MEMO1: variants seen among roughly 807,000 people sequenced by gnomAD.
The protein encoded by MEMO1 is mediator of cell motility 1.
MEMO1 carries 6 observed loss-of-function variants against 45.2 expected under a neutral mutation model. The ratio of observed to expected loss-of-function variants is 0.13; its 90% CI spans 0.07 to 0.26. The LOEUF (loss-of-function observed/expected upper bound fraction) is 0.26, where lower values mean the gene tolerates loss of function less well. Among genes scored for constraint, MEMO1 ranks in the 10% least tolerant of loss-of-function variants. MEMO1 has a pLI of 1.00. For synonymous variants in MEMO1, 78 were observed against 124.3 expected, an observed-to-expected ratio of 0.63 and a Z score of 2.48; for missense variants, 184 against 370.5, an observed-to-expected ratio of 0.50 and a Z score of 4.13.
At chr2:32,001,990 C>T (rs1225856784) in intron 2 of MEMO1, among the ~76,000 whole-genome samples, 1 of 150,978 alleles carries the variant, frequency 6.6e-6, no homozygotes, top group Non-Finnish European at 1.5e-5. Flanking sequence ...TACTAAAATA[C>T]AAAAAATTAG....
Position 32,009,716 on chromosome 2 carries a change from G to T in MEMO1, c.61+471C>A, listed in dbSNP as rs1015755411. 3.7e-4 allele frequency among the ~76,000 whole-genome samples: 57 copies of T among 152,158 alleles called. 1 individual carries two copies. The highest frequency in any genetic ancestry group is 1.3e-3 in the African/African-American group (55 of 41,448). On this transcript the variant is annotated intron_variant, in intron 2 of 9. Transcript: ENST00000404530. Reference sequence around the variant, plus strand: ...AGGGAAGACGGGAGAGGAAAGGAAAGGGTCCCTGGCTCGGCAAGAGGGCGG... The same window carrying T: ...AGGGAAGACGGGAGAGGAAAGGAAATGGTCCCTGGCTCGGCAAGAGGGCGG...
chr2:31,998,845 CT>C (rs972667557), intron 2 of MEMO1, among the ~76,000 whole-genome samples: 3 of 152,006 alleles, frequency 2.0e-5, no homozygotes, highest in Non-Finnish European at 4.4e-5. Context: ...CTAATCTCCA[CT>C]TTTAAATCTC....
At chr2:31,912,194 G>A (rs1357908467) in intron 6 of MEMO1, among the ~76,000 whole-genome samples, 1 of 152,048 alleles carries the variant, frequency 6.6e-6, no homozygotes, top group Non-Finnish European at 1.5e-5. Context: ...AAAATTAGCT[G>A]GCGTGGTGGT....
intron 6 of MEMO1, among the ~76,000 whole-genome samples, chr2:31,914,932 G>A (rs1368205642): frequency 2.1e-4 from 31 of 150,152 alleles, no homozygotes; most frequent in Admixed American, 1.9e-3. Flanking sequence ...ACTCAAGCCT[G>A]GGTGACAGAA....
intron 7 of MEMO1, among the ~76,000 whole-genome samples, chr2:31,883,694 G>C (rs983802434): frequency 6.6e-6 from 1 of 151,968 alleles, no homozygotes; most frequent in Non-Finnish European, 1.5e-5. Context: ...TCAAATTGTA[G>C]AAACCTTAAA....
chr2:31,949,290 A>G (rs1666547350), intron 2 of MEMO1, among the ~76,000 whole-genome samples: 1 of 152,208 alleles, frequency 6.6e-6, no homozygotes, highest in African/African-American at 2.4e-5. Context: ...AAATCACTAT[A>G]TTGAAGGGAT....
chr2:31,963,115 A>T, intron 2 of MEMO1: 3 of 1,474,364 alleles, frequency 2.0e-6, no homozygotes, highest in Middle Eastern at 1.8e-4. Context: ...CTCAGTCTCT[A>T]ACTACACCAT....
chr2:31,944,159 G>A (rs1261249878), intron 2 of MEMO1, among the ~76,000 whole-genome samples: 2 of 152,122 alleles, frequency 1.3e-5, no homozygotes, highest in African/African-American at 2.4e-5. Flanking sequence ...ATAGCTGAAT[G>A]AGACTAAAGA....
chr2:31,901,831 C>G (rs1298430940), intron 6 of MEMO1, among the ~76,000 whole-genome samples: 1 of 151,738 alleles, frequency 6.6e-6, no homozygotes, highest in African/African-American at 2.4e-5. Context: ...ATTGCTTGAA[C>G]CAGGAAGGTA....
chr2:31,946,964 G>T (rs937368027), intron 2 of MEMO1, among the ~76,000 whole-genome samples: 1 of 152,100 alleles, frequency 6.6e-6, no homozygotes, highest in Non-Finnish European at 1.5e-5. Context: ...TGCTGTATAG[G>T]TCTGTAGCCT....
At chr2:31,906,308 T>C (rs942707773) in intron 6 of MEMO1, among the ~76,000 whole-genome samples, 22 of 150,408 alleles carry the variant, frequency 1.5e-4, no homozygotes, top group African/African-American at 4.9e-4. Flanking sequence ...TTGTTTTTTT[T>C]GTTTGTTTGT....
chr2:31,949,930 T>G (rs752751200), intron 2 of MEMO1, among the ~76,000 whole-genome samples: 170 of 152,032 alleles, frequency 1.1e-3, no homozygotes, highest in Admixed American at 2.4e-3. Flanking sequence ...AAAATAAAAA[T>G]TAAAAATTAA....
chr2:31,975,523 C>T (rs1167933241), intron 2 of MEMO1, among the ~76,000 whole-genome samples: 1 of 152,166 alleles, frequency 6.6e-6, no homozygotes, highest in Admixed American at 6.5e-5. Context: ...AAGAGTACAG[C>T]ACTTAGCTTC....
chr2:31,891,335 C>T (rs746773534), intron 7 of MEMO1, among the ~76,000 whole-genome samples: 2 of 152,076 alleles, frequency 1.3e-5, no homozygotes, highest in Admixed American at 6.6e-5. Context: ...GTAGAAGCAA[C>T]GTTTACTAAA....
At chr2:31,954,069 G>A (rs1205666357) in intron 2 of MEMO1, among the ~76,000 whole-genome samples, 1 of 152,164 alleles carries the variant, frequency 6.6e-6, no homozygotes, top group Admixed American at 6.5e-5. Context: ...ATAGCCACAT[G>A]ATTGTTGAGT....
intron 6 of MEMO1, among the ~76,000 whole-genome samples, chr2:31,911,381 A>G (rs1433462820): frequency 3.9e-5 from 6 of 152,214 alleles, no homozygotes; most frequent in Non-Finnish European, 1.5e-5. Context: ...AGGGGAGAAG[A>G]AGGCGATGAA....
At chr2:31,873,019 C>G (rs1207731022) in intron 8 of MEMO1, among the ~76,000 whole-genome samples, 6 of 151,986 alleles carry the variant, frequency 3.9e-5, no homozygotes, top group Admixed American at 3.9e-4. Flanking sequence ...TAGGAAAATT[C>G]CAAAAAGATA....
chr2:31,869,495 A>G (rs995228334), intron 9 of MEMO1, among the ~76,000 whole-genome samples: 1 of 152,094 alleles, frequency 6.6e-6, no homozygotes, highest in African/African-American at 2.4e-5. Context: ...CTTATTTTTT[A>G]TAGAGTCTAG....
chr2:31,944,150 T>G (rs573547674), intron 2 of MEMO1, among the ~76,000 whole-genome samples: 5 of 152,320 alleles, frequency 3.3e-5, no homozygotes, highest in African/African-American at 1.2e-4. Flanking sequence ...TTTACCTGAA[T>G]AGCTGAATGA....
Sources: allele counts gnomAD v4.1 joint callset (sites outside exome capture counted in the v4.1 genomes callset), GRCh38; gene constraint gnomAD v4.1.1; transcripts MANE v1.5; gene names NCBI Gene and HGNC (gene_info 2026-07-23, HGNC 2026-07-21).